MYBPC2: variants seen among roughly 807,000 people sequenced by gnomAD.
The protein encoded by MYBPC2 is myosin-binding protein C, fast-type.
In MYBPC2, 122 loss-of-function variants were observed where a neutral mutation model predicts 137.0. The observed-to-expected ratio is 0.89, with a 90% confidence interval of 0.77 to 1.03. The LOEUF is 1.03. MYBPC2 is among the 50% of genes least tolerant of loss of function. The pLI is 0.00. For synonymous variants in MYBPC2, 626 were observed against 612.3 expected (o/e 1.02, Z -0.33); for missense variants, 1,500 against 1,534.4 (o/e 0.98, Z 0.37).
Position 50,462,002 on chromosome 19 carries a change from C to T in MYBPC2, c.3194C>T (p.Ala1065Val), listed in dbSNP as rs374646145. Residue 1065 changes from alanine (A) to valine (V), a missense_variant, in exon 26 of 28, where the codon GCA becomes GTA. Transcript: ENST00000357701. ...CGCGTGGTCGTGGCTGGGTACTCGG[C>T]AGCCCTCAACTGTGCTGTCAGAGGC... ...IDRVVVAGYS[A>V]ALNCAVRGHP... The T allele has an allele frequency of 1.3e-4, 206 of 1,573,262 alleles. 1 individual carries two copies. The Middle Eastern group carries it at 1.5e-3, about 11-fold the overall frequency.
chr19:50,451,344 AG>A (rs1199477252), intron 15 of MYBPC2, 35 bp downstream of exon 15: 1 of 1,600,640 alleles, frequency 6.2e-7, no homozygotes. Flanking sequence ...AGCGGGTCTG[AG>A]GGAGGAGGGA....
chr19:50,441,517 C>A (rs1210382409), intron 8 of MYBPC2, among the ~76,000 whole-genome samples: 1 of 152,202 alleles, frequency 6.6e-6, no homozygotes, highest in African/African-American at 2.4e-5. Context: ...CAGGAGCAGT[C>A]AGAGGGCTGT....
Position 50,437,479 on chromosome 19 carries a change from G to C in MYBPC2, c.470G>C (p.Arg157Pro), listed in dbSNP as rs753996160. ...CGFNIDVEAP[R>P]QDASGQSLES... ...TCTCATCACCTCTCCCCAGCACCCC[G>C]TCAGGATGCCTCTGGGCAGAGTCTA... The change falls in exon 6 of 28, where the codon CGT becomes CCT. Residue 157 changes from arginine to proline, a missense_variant. Coordinates refer to ENST00000357701, the MANE Select transcript of MYBPC2 (RefSeq NM_004533.4). 6.8e-6 allele frequency: 11 copies of C among 1,610,826 alleles called. No individual in the cohort carries two copies. The Admixed American group carries it at 1.8e-4, about 27-fold the overall frequency.
intron 27 of MYBPC2, 150 bp downstream of exon 27, chr19:50,464,682 GC>G: frequency 1.1e-6 from 1 of 916,762 alleles, no homozygotes; most frequent in East Asian, 3.0e-5. Context: ...TGTCCTGAAG[GC>G]AGCACAGGGC....
At chr19:50,450,998 C>T (rs1027441156) in intron 14 of MYBPC2, 63 bp downstream of exon 14, 13 of 1,414,964 alleles carry the variant, frequency 9.2e-6, no homozygotes, top group African/African-American at 4.3e-5. Context: ...ACCCAGGGCC[C>T]GGGATGTCCC....
At position 50,465,742 on chromosome 19, in the gene MYBPC2, G is replaced by C. The variant is rs1568672069; in HGVS notation, c.3416-453G>C. ...TGCCTGTTGTCCCAGCTACCTGGGGGGCTGGGGCAGGAGGATCACTTGAAC... is the reference window on the plus strand; with the variant it reads ...TGCCTGTTGTCCCAGCTACCTGGGGCGCTGGGGCAGGAGGATCACTTGAAC... On this transcript the variant is annotated intron_variant, in intron 27 of 27. Transcript: ENST00000357701. The surrounding 1 kb of genome is among the most constrained non-coding windows in gnomAD (Gnocchi z 4.5). Among the ~76,000 whole-genome samples, 1 of 152,258 alleles carries C rather than the reference G, an allele frequency of 6.6e-6. No homozygotes were observed. Among genetic ancestry groups the C allele is most frequent in the East Asian group, 1.9e-4 (1 of 5,178 alleles).
intron 6 of MYBPC2, 46 bp downstream of exon 6, chr19:50,437,567 G>A (rs781124467): frequency 7.9e-5 from 127 of 1,598,638 alleles, no homozygotes; most frequent in Non-Finnish European, 1.1e-4. Flanking sequence ...ACCATGGGAG[G>A]CTCTCCCTTG....
chr19:50,440,323 A>AAAATAAAT (rs58778063), intron 7 of MYBPC2, among the ~76,000 whole-genome samples: 39,694 of 138,734 alleles, frequency 0.29, 5,906 homozygotes, highest in South Asian at 0.36. Flanking sequence ...CTGTGGAAAT[A>AAAATAAAT]AAATAAATAA....
chr19:50,443,832 T>G lies in MYBPC2; in HGVS notation c.1133+16T>G, dbSNP rs142489516. 40 of 1,604,020 alleles carry G rather than the reference T, an allele frequency of 2.5e-5. No individual in the cohort carries two copies. In the East Asian group the frequency reaches 7.6e-4, roughly 30 times the overall value. On this transcript the variant is annotated intron_variant, in intron 11 of 27. Transcript: ENST00000357701. Reference sequence around the variant, plus strand: ...AGGTGATGTGGTAAGTGACCCTTGATCCCTGATCTCCATACAGGTGCACAT... The same window carrying G: ...AGGTGATGTGGTAAGTGACCCTTGAGCCCTGATCTCCATACAGGTGCACAT...
chr19:50,466,083 G>A lies in MYBPC2; in HGVS notation c.3416-112G>A. ...ACAGTGGCCTAGGATGGGGCGGGAT[G>A]GTGACCGTCATCCTGTCCCCCTGCT... On this transcript the variant is annotated intron_variant, in intron 27 of 27. Transcript: ENST00000357701. The surrounding 1 kb of genome is among the most constrained non-coding windows in gnomAD (Gnocchi z 4.9). 6.8e-7 allele frequency: 1 copy of A among 1,462,098 alleles called. No individual in the cohort carries two copies. The highest frequency in any genetic ancestry group is 1.2e-5 in the South Asian group (1 of 83,810). 90.6% of individuals were successfully genotyped at this position (1,462,098 alleles called of 1,614,324 possible).
chr19:50,455,711 T>C (rs1363709479), intron 20 of MYBPC2, 67 bp downstream of exon 20: 11 of 1,585,062 alleles, frequency 6.9e-6, no homozygotes, highest in Non-Finnish European at 9.4e-6. Context: ...TCCAGGGAGC[T>C]GAAAATAGGA....
intron 13 of MYBPC2, among the ~76,000 whole-genome samples, chr19:50,450,264 C>T (rs1481711356): frequency 6.6e-6 from 1 of 151,962 alleles, no homozygotes; most frequent in Non-Finnish European, 1.5e-5. Context: ...TTTTTCTTTT[C>T]TTTTCTTTTT....
chr19:50,466,131 C>T lies in MYBPC2; in HGVS notation c.3416-64C>T. The T allele has an allele frequency of 1.2e-5, 19 of 1,609,986 alleles. No homozygotes were observed. The South Asian group carries it at 1.7e-4, about 14-fold the overall frequency. The stretch of plus-strand genomic sequence containing the variant: ...GCTGGTCATGTGGATGCAGCTCCTC[C>T]TCCTGGGGCTTCAGGAGGAGGCGTG... On this transcript the variant is annotated intron_variant, in intron 27 of 27. Transcript: ENST00000357701. This position sits in a 1 kb window ranked among gnomAD's most constrained non-coding sequence, Gnocchi z 4.9.
chr19:50,435,963 T>C lies in MYBPC2; in HGVS notation c.197-49T>C, dbSNP rs759694287. On this transcript the variant is annotated intron_variant, in intron 3 of 27. Coordinates refer to ENST00000357701, the MANE Select transcript of MYBPC2 (RefSeq NM_004533.4). The surrounding 1 kb of genome is among the most constrained non-coding windows in gnomAD (Gnocchi z 4.8). ...CTGTCTCCCTCTGGAGAGCCTTATG[T>C]TCCTTCCTGGGCCTCCTCCCACTCT... The C allele has an allele frequency of 2.4e-5, 38 of 1,555,202 alleles. No individual in the cohort carries two copies. In the African/African-American group the frequency reaches 4.6e-4, roughly 19 times the overall value.
intron 11 of MYBPC2, 41 bp downstream of exon 11, chr19:50,443,857 T>G (rs781110615): frequency 6.4e-7 from 1 of 1,570,020 alleles, no homozygotes; most frequent in Admixed American, 1.7e-5. Context: ...CAGGTGCACA[T>G]AGTTTCTTTG....
chr19:50,444,581 GA>G (rs1339390497), intron 11 of MYBPC2, among the ~76,000 whole-genome samples: 1 of 151,972 alleles, frequency 6.6e-6, no homozygotes, highest in Non-Finnish European at 1.5e-5. Flanking sequence ...ATAATGGGGA[GA>G]AAAAAAATGT....
intron 20 of MYBPC2, 49 bp from the exon 21 acceptor site, chr19:50,458,538 G>T: frequency 2.5e-6 from 4 of 1,594,834 alleles, no homozygotes; most frequent in Non-Finnish European, 3.4e-6. Flanking sequence ...AACGGGAGCG[G>T]AGGATGGGAG....
chr19:50,459,897 G>A, intron 23 of MYBPC2, 143 bp from the exon 24 acceptor site: 12 of 1,213,822 alleles, frequency 9.9e-6, no homozygotes, highest in Non-Finnish European at 1.2e-5. Flanking sequence ...GAGAGACTGG[G>A]ATGGGGGAGG....
chr19:50,443,612 G>A lies in MYBPC2; in HGVS notation c.1021G>A (p.Val341Ile), dbSNP rs58511181. The change falls in exon 10 of 28, where the codon GTC becomes ATC. Residue 341 changes from valine (V) to isoleucine (I), a missense_variant. Transcript: ENST00000357701. ...KDEKCFTELF[V>I]KEPPVLIVTP... ...TGAGAAGTGTTTCACCGAGCTCTTC[G>A]TCAAAGGTGAGGCTGGAATTCAGAA... The A allele has an allele frequency of 7.3e-5, 117 of 1,613,574 alleles. No individual in the cohort carries two copies. The African/African-American group carries it at 1.0e-3, about 14-fold the overall frequency.
Sources: gnomAD v4.1 joint callset for allele counts (sites outside exome capture counted in the v4.1 genomes callset) on GRCh38, gnomAD v4.1.1 for gene constraint, Gnocchi (gnomAD v3.1) non-coding constraint, MANE v1.5 for transcripts, NCBI Gene and HGNC (gene_info 2026-07-23, HGNC 2026-07-21) for gene names.